CCDC68: variants seen among roughly 807,000 people sequenced by gnomAD.
CCDC68 encodes the protein coiled-coil domain containing 68, also known as coiled-coil domain-containing protein 68.
Under a neutral mutation model 47.1 loss-of-function variants are expected in CCDC68, and 45 were observed. The observed-to-expected ratio is 0.96, with a 90% CI of 0.75 to 1.23. The LOEUF is 1.23. Among genes scored for constraint, CCDC68 ranks in the 50% most tolerant of loss-of-function variants. The pLI is 0.00. For missense variants in CCDC68, 353 were observed against 373.6 expected (o/e 0.94, Z 0.45); for synonymous variants, 131 against 129.5 (o/e 1.01, Z -0.08).
At chr18:54,945,656 T>C (rs1226768675) in intron 1 of CCDC68, among the ~76,000 whole-genome samples, 179 bp from the exon 2 acceptor site, 7 of 152,238 alleles carry the variant, frequency 4.6e-5, no homozygotes, top group Admixed American at 2.6e-4. Context: ...TGACAGAGGA[T>C]GCCAAGAATT....
At chr18:54,938,412 A>G (rs2044384583) in intron 4 of CCDC68, among the ~76,000 whole-genome samples, 1 of 152,246 alleles carries the variant, frequency 6.6e-6, no homozygotes, top group African/African-American at 2.4e-5. Context: ...ATTTTTTTAA[A>G]AATCTAAGTT....
intron 5 of CCDC68, 88 bp from the exon 6 acceptor site, chr18:54,937,046 A>G: frequency 8.0e-7 from 1 of 1,252,036 alleles, no homozygotes; most frequent in South Asian, 1.3e-5. Flanking sequence ...AAGAACACCA[A>G]AGGTATAACT....
At position 54,957,890 on chromosome 18, in the gene CCDC68, A is replaced by T. The variant is rs559171854; in HGVS notation, c.-103+1446T>A. 21 of 152,308 alleles carry T rather than the reference A, an allele frequency of 1.4e-4. No individual in the cohort carries two copies. The South Asian group carries it at 4.3e-3, about 32-fold the overall frequency. The allele number at this position is 152,308 out of a possible 1,614,324, so 9.4% of individuals were successfully genotyped here. A position where few individuals can be genotyped will look rare whatever the true frequency, so the allele number is the denominator to read the frequency against. ...TATTTCCCCTTTCAGTCATTATTCCAAGCAAATAAACACCTCATTTTTCAG... is the reference window on the plus strand; with the variant it reads ...TATTTCCCCTTTCAGTCATTATTCCTAGCAAATAAACACCTCATTTTTCAG... On this transcript the variant is annotated intron_variant, in intron 1 of 11. Coordinates refer to ENST00000591504, the MANE Select transcript of CCDC68 (RefSeq NM_025214.3).
intron 10 of CCDC68, among the ~76,000 whole-genome samples, chr18:54,915,291 A>T (rs781157216): frequency 2.0e-5 from 3 of 152,242 alleles, no homozygotes; most frequent in Non-Finnish European, 2.9e-5. Flanking sequence ...AGCAGGACTC[A>T]TGTCTATTTT....
chr18:54,940,465 G>A (rs2044416940), intron 4 of CCDC68, among the ~76,000 whole-genome samples: 1 of 152,212 alleles, frequency 6.6e-6, no homozygotes, highest in Non-Finnish European at 1.5e-5. Flanking sequence ...GGTGGACTCT[G>A]TGGCCATGCC....
At position 54,930,507 on chromosome 18, in the gene CCDC68, T is replaced by C. The variant is rs549024177; in HGVS notation, c.601-1625A>G. On this transcript the variant is annotated intron_variant, in intron 7 of 11. Coordinates refer to ENST00000591504, the MANE Select transcript of CCDC68 (RefSeq NM_025214.3). ...AATTAGCTTTTTCAAATTTTTCTTA[T>C]AGTATTCTTGCCAGATAGAAATTGT... 2.6e-5 allele frequency among the ~76,000 whole-genome samples: 4 copies of C among 152,276 alleles called. No homozygotes were observed. The East Asian group carries it at 5.8e-4, about 22-fold the overall frequency.
intron 7 of CCDC68, 34 bp from the exon 8 acceptor site, chr18:54,928,916 T>G: frequency 8.2e-7 from 1 of 1,218,826 alleles, no homozygotes; most frequent in South Asian, 1.2e-5. Context: ...TTTGCTAAAC[T>G]GCATGTGTAT....
chr18:54,917,939 C>T lies in CCDC68; in HGVS notation c.847G>A (p.Glu283Lys), dbSNP rs1269494828. Residue 283 changes from glutamate (E) to lysine (K), a missense_variant, in exon 10 of 12, where the codon GAA (glutamate) becomes AAA (lysine). By Grantham distance (56) the Glu-to-Lys change is moderately conservative. Coordinates refer to ENST00000591504, the MANE Select transcript of CCDC68 (RefSeq NM_025214.3). ...TGGGCTTCAAGTATGTTAACCTTTT[C>T]TCTGAGATTTTCAATTCTTTTGTCT... Reference protein sequence around the residue: ...EQDKRIENLREKVNILEAQNK... With the variant: ...EQDKRIENLRKKVNILEAQNK... The T allele has an allele frequency of 3.8e-6, 6 of 1,579,848 alleles. No homozygotes were observed. In the South Asian group the frequency reaches 5.6e-5, roughly 15 times the overall value.
intron 1 of CCDC68, among the ~76,000 whole-genome samples, chr18:54,951,594 A>G (rs2044621063): frequency 6.6e-6 from 1 of 152,140 alleles, no homozygotes; most frequent in South Asian, 2.1e-4. Context: ...CTAACTTACC[A>G]CTTTGCCTCT....
At chr18:54,929,276 C>T (rs1436563465) in intron 7 of CCDC68, among the ~76,000 whole-genome samples, 1 of 152,130 alleles carries the variant, frequency 6.6e-6, no homozygotes, top group East Asian at 1.9e-4. Flanking sequence ...TTGTTGGTAT[C>T]CAAGGACACT....
At chr18:54,911,154 T>C (rs994747137) in intron 10 of CCDC68, among the ~76,000 whole-genome samples, 4 of 152,172 alleles carry the variant, frequency 2.6e-5, no homozygotes, top group Admixed American at 6.5e-5. Flanking sequence ...TTCAAGCGAT[T>C]CTCCTGCCTC....
intron 8 of CCDC68, among the ~76,000 whole-genome samples, chr18:54,922,982 C>T (rs1368004667): frequency 8.4e-6 from 1 of 118,632 alleles, no homozygotes; most frequent in Non-Finnish European, 1.7e-5. Context: ...AGCAAGACTC[C>T]GTCTCAAAAA....
intron 4 of CCDC68, among the ~76,000 whole-genome samples, chr18:54,939,678 C>T (rs2044405001): frequency 1.3e-5 from 2 of 152,134 alleles, no homozygotes; most frequent in South Asian, 4.1e-4. Flanking sequence ...CTATGGTGGG[C>T]ATTCAGTCCG....
chr18:54,919,231 A>T, intron 9 of CCDC68, 40 bp downstream of exon 9: 1 of 1,510,928 alleles, frequency 6.6e-7, no homozygotes, highest in Non-Finnish European at 9.2e-7. Flanking sequence ...CACGCTGTAA[A>T]CATACTGTCT....
intron 7 of CCDC68, among the ~76,000 whole-genome samples, chr18:54,933,158 T>A (rs1424772396): frequency 2.0e-5 from 3 of 152,188 alleles, no homozygotes; most frequent in Non-Finnish European, 2.9e-5. Flanking sequence ...CTCGGTTCAC[T>A]GCAACCTCCG....
Position 54,934,930 on chromosome 18 carries a change from CT to C in CCDC68, c.489del (p.Glu164AsnfsTer4). The C allele has an allele frequency of 6.3e-7, 1 of 1,591,190 alleles. No homozygotes were observed. On this transcript the variant is annotated frameshift_variant, in exon 7 of 12. Transcript: ENST00000591504. LOFTEE classifies it high-confidence loss of function. Reference protein sequence around the residue: ...KQLLQVNKLEKEQKLKQHVEN... With the variant: ...KQLLQVNKLEXEQKLKQHVEN... ...TCAACATGTTGTTTCAATTTCTGTT[CT>C]TTTTCAAGCTTGTTAACCTATGGTC...
At chr18:54,936,571 G>C (rs903390047) in intron 6 of CCDC68, among the ~76,000 whole-genome samples, 6 of 152,000 alleles carry the variant, frequency 3.9e-5, no homozygotes, top group Non-Finnish European at 8.8e-5. Flanking sequence ...TTCCAGGCAG[G>C]GTGGCACTGC....
intron 7 of CCDC68, among the ~76,000 whole-genome samples, chr18:54,932,693 C>T (rs12455922): frequency 2.0e-5 from 3 of 151,822 alleles, no homozygotes; most frequent in Admixed American, 6.6e-5. Flanking sequence ...CCCACTGTTG[C>T]GAGTTATTAT....
intron 5 of CCDC68, 57 bp downstream of exon 5, chr18:54,937,900 C>T (rs2044374540): frequency 1.3e-6 from 2 of 1,500,878 alleles, no homozygotes; most frequent in Non-Finnish European, 1.8e-6. Context: ...TGCTAACAAC[C>T]CATTCTATTA....
Sources: allele counts gnomAD v4.1 joint callset (sites outside exome capture counted in the v4.1 genomes callset), GRCh38; gene constraint gnomAD v4.1.1; transcripts MANE v1.5; gene names NCBI Gene and HGNC (gene_info 2026-07-23, HGNC 2026-07-21).